The following STK40 variants were observed in gnomAD, a reference collection of about 807,000 sequenced individuals.
STK40 encodes serine/threonine-protein kinase 40.
In STK40, 13 loss-of-function variants were observed where a neutral mutation model predicts 47.9. The observed-to-expected ratio is 0.27, with a 90% CI of 0.18 to 0.43. STK40 has a LOEUF of 0.43. STK40 is among the 20% of genes least tolerant of loss of function. STK40 has a pLI of 1.00. For synonymous variants in STK40, 225 were observed against 243.2 expected, an observed-to-expected ratio of 0.93 and a Z score of 0.69; for missense variants, 460 against 595.1, an observed-to-expected ratio of 0.77 and a Z score of 2.36.
chr1:36,343,585 C>T (rs1438157019), intron 9 of STK40, 137 bp from the exon 10 acceptor site: 2 of 1,008,908 alleles, frequency 2.0e-6, no homozygotes, highest in African/African-American at 3.3e-5. Flanking sequence ...TTTCTTATCC[C>T]ATAAAGGGGG....
At chr1:36,345,665 A>T (rs567800801) in intron 7 of STK40, among the ~76,000 whole-genome samples, 2 of 152,206 alleles carry the variant, frequency 1.3e-5, no homozygotes, top group South Asian at 4.1e-4. Context: ...TTGTACCACC[A>T]TTCTTAGCTC....
intron 6 of STK40, among the ~76,000 whole-genome samples, chr1:36,353,740 T>C (rs1646779038): frequency 6.6e-6 from 1 of 152,196 alleles, no homozygotes; most frequent in African/African-American, 2.4e-5. Flanking sequence ...TCTCGAGTTT[T>C]TCAGGCTGAG....
At chr1:36,375,620 G>C (rs1646985751) in intron 1 of STK40, among the ~76,000 whole-genome samples, 1 of 152,194 alleles carries the variant, frequency 6.6e-6, no homozygotes, top group African/African-American at 2.4e-5. Flanking sequence ...TCTTTATACT[G>C]TTTTCAACAG....
chr1:36,341,788 CGT>C lies in STK40; in HGVS notation c.1273_1274del (p.Thr425GlyfsTer39). The C allele has an allele frequency of 6.2e-7, 1 of 1,612,434 alleles. No individual in the cohort carries two copies. Among genetic ancestry groups the C allele is most frequent in the Admixed American group, 1.7e-5 (1 of 60,014 alleles). On this transcript the variant is annotated frameshift_variant, in exon 11 of 11. Transcript: ENST00000373132. LOFTEE classifies it high-confidence loss of function. ...GCAGGTAGCGCTGCGCCAGGATGGCCGTGTCCAAGGAGGTCATGGGCTGTGCG... is the reference window on the plus strand; with the variant it reads ...GCAGGTAGCGCTGCGCCAGGATGGCCGTCCAAGGAGGTCATGGGCTGTGCG... ...HDAQPMTSLD[T>X]AILAQRYLRK
chr1:36,372,418 T>C (rs1337074883), intron 1 of STK40, among the ~76,000 whole-genome samples: 1 of 115,884 alleles, frequency 8.6e-6, no homozygotes, highest in African/African-American at 3.7e-5. Context: ...AGTGAGACCT[T>C]GTCTCAAAAA....
intron 2 of STK40, among the ~76,000 whole-genome samples, chr1:36,359,802 T>C (rs1358545155): frequency 1.3e-5 from 2 of 152,212 alleles, no homozygotes; most frequent in African/African-American, 4.8e-5. Context: ...TCTAACAGGA[T>C]GTTCCATTCC....
At chr1:36,367,551 G>T (rs1646913104) in intron 1 of STK40, among the ~76,000 whole-genome samples, 1 of 152,214 alleles carries the variant, frequency 6.6e-6, no homozygotes, top group African/African-American at 2.4e-5. Flanking sequence ...GGGTTCCAAG[G>T]CTGAAGATGC....
At chr1:36,382,183 T>C (rs949594629) in intron 1 of STK40, among the ~76,000 whole-genome samples, 2 of 152,012 alleles carry the variant, frequency 1.3e-5, no homozygotes, top group African/African-American at 4.8e-5. Context: ...CTCCCATGTA[T>C]ACTTTTTTTT....
rs773978214 is a variant in STK40 at position 36,384,099 on chromosome 1, G to A, written c.-9+1624C>T. ...GGCTGGAGTGCACTGGCTTGATCTC[G>A]GCTCACTGCAACCTCTGCCTCATAG... On this transcript the variant is annotated intron_variant, in intron 1 of 10. Transcript: ENST00000373132. Among the ~76,000 whole-genome samples the A allele has an allele frequency of 2.0e-5, 3 of 150,648 alleles. 1 individual carries two copies. The South Asian group carries it at 6.3e-4, about 32-fold the overall frequency.
intron 1 of STK40, among the ~76,000 whole-genome samples, chr1:36,379,695 T>C (rs1027130198): frequency 1.3e-5 from 2 of 152,078 alleles, no homozygotes; most frequent in Non-Finnish European, 2.9e-5. Flanking sequence ...TGTAGCCTCT[T>C]TAGGGAGTGG....
chr1:36,357,670 T>A (rs1466146622), intron 4 of STK40, among the ~76,000 whole-genome samples: 2 of 152,082 alleles, frequency 1.3e-5, no homozygotes, highest in East Asian at 1.9e-4. Context: ...AGGCTGGAGT[T>A]CAGTGGCACA....
intron 1 of STK40, chr1:36,367,889 C>T (rs527882834): frequency 7.5e-4 from 735 of 985,410 alleles, no homozygotes; most frequent in Non-Finnish European, 7.8e-4. Flanking sequence ...ATGAAGAGTC[C>T]GCCAGCCTCC....
At chr1:36,345,355 C>A (rs1646690381) in intron 7 of STK40, among the ~76,000 whole-genome samples, 1 of 152,266 alleles carries the variant, frequency 6.6e-6, no homozygotes, top group African/African-American at 2.4e-5. Context: ...AGTGCCATTA[C>A]AGGCCTCAGC....
intron 1 of STK40, among the ~76,000 whole-genome samples, chr1:36,365,702 C>T (rs1460375212): frequency 1.3e-5 from 2 of 152,228 alleles, no homozygotes; most frequent in Non-Finnish European, 2.9e-5. Flanking sequence ...AGTATCACTT[C>T]CTCAGAGAAG....
At chr1:36,362,733 C>T (rs560505790) in intron 1 of STK40, 6 of 152,338 alleles carry the variant, frequency 3.9e-5, no homozygotes, top group Admixed American at 1.3e-4. Context: ...CCAGATATAA[C>T]TGCTGTTAAC....
At chr1:36,366,818 T>G (rs1646906103) in intron 1 of STK40, among the ~76,000 whole-genome samples, 1 of 151,364 alleles carries the variant, frequency 6.6e-6, no homozygotes, top group Non-Finnish European at 1.5e-5. Flanking sequence ...CTGTTAACTC[T>G]TCTACATTCT....
At chr1:36,362,359 C>T (rs77176127) in intron 1 of STK40, among the ~76,000 whole-genome samples, 4,738 of 152,174 alleles carry the variant, frequency 0.031, 254 homozygotes, top group African/African-American at 0.11. Context: ...TGCAGGGCTC[C>T]GGGAAAATTT....
chr1:36,371,974 G>A lies in STK40; in HGVS notation c.-8-10634C>T, dbSNP rs573061112. Among the ~76,000 whole-genome samples the A allele has an allele frequency of 5.3e-5, 8 of 152,220 alleles. No individual in the cohort carries two copies. The East Asian group carries it at 1.5e-3, about 29-fold the overall frequency. ...ATCACGCCACTGCACTCCAGCCTGG[G>A]TGACAGAGCAAGACTCCGTCTCAAA... On this transcript the variant is annotated intron_variant, in intron 1 of 10. Coordinates refer to ENST00000373132, the MANE Select transcript of STK40 (RefSeq NM_001282547.2).
chr1:36,347,000 T>G (rs1447655010), intron 7 of STK40, among the ~76,000 whole-genome samples: 1 of 152,216 alleles, frequency 6.6e-6, no homozygotes, highest in African/African-American at 2.4e-5. Flanking sequence ...GGTATACCCC[T>G]GGCACCCAGT....
Sources: gnomAD v4.1 joint callset for allele counts (sites outside exome capture counted in the v4.1 genomes callset) on GRCh38, gnomAD v4.1.1 for gene constraint, MANE v1.5 for transcripts, NCBI Gene and HGNC (gene_info 2026-07-23, HGNC 2026-07-21) for gene names.